Variants in RAB19 observed in about 807,000 individuals in gnomAD.
The protein encoded by RAB19 is RAB19, member RAS oncogene family.
In RAB19, 21 loss-of-function variants were observed where a neutral mutation model predicts 17.3. The ratio of observed to expected loss-of-function variants is 1.21; its 90% confidence interval spans 0.86 to 1.74. The LOEUF (loss-of-function observed/expected upper bound fraction) is 1.74, where lower values mean the gene tolerates loss of function less well. Ranked by LOEUF, RAB19 falls within the 40% of genes most tolerant of loss-of-function variation. The probability of loss-of-function intolerance (pLI) is 0.00; values close to 1 mark genes in which losing one functional copy is unlikely to be tolerated. For synonymous variants in RAB19, 126 were observed against 110.4 expected (o/e 1.14, Z -0.88); for missense variants, 277 against 286.8 (o/e 0.97, Z 0.25).
At chr7:140,414,194 G>A (rs543109807) in intron 3 of RAB19, among the ~76,000 whole-genome samples, 20 of 152,164 alleles carry the variant, frequency 1.3e-4, no homozygotes, top group African/African-American at 4.1e-4. Context: ...ACAGGCTCCC[G>A]CCACCACACT....
At chr7:140,423,326 G>A (rs1354768578) in intron 3 of RAB19, among the ~76,000 whole-genome samples, 1 of 151,686 alleles carries the variant, frequency 6.6e-6, no homozygotes, top group African/African-American at 2.4e-5. Flanking sequence ...TGGAGTCCCA[G>A]CTACTCAGGA....
chr7:140,419,703 A>G (rs979344257), intron 3 of RAB19, among the ~76,000 whole-genome samples: 1 of 152,154 alleles, frequency 6.6e-6, no homozygotes, highest in South Asian at 2.1e-4. Context: ...AGCTCTAGAT[A>G]ATCTCAAACC....
At chr7:140,407,923 C>G (rs371725720) in intron 2 of RAB19, 76 bp downstream of exon 2, 4 of 1,099,480 alleles carry the variant, frequency 3.6e-6, no homozygotes, top group Non-Finnish European at 3.8e-6. Flanking sequence ...GACGGAGTCT[C>G]GCGCGATCTC....
At chr7:140,419,410 A>T (rs935946131) in intron 3 of RAB19, among the ~76,000 whole-genome samples, 2 of 152,154 alleles carry the variant, frequency 1.3e-5, no homozygotes, top group East Asian at 3.8e-4. Flanking sequence ...AAACAAAATC[A>T]TACCTTTTTG....
intron 2 of RAB19, among the ~76,000 whole-genome samples, chr7:140,409,934 A>G (rs1411794061): frequency 6.8e-6 from 1 of 146,472 alleles, no homozygotes. Context: ...CGGAGCTTGC[A>G]CTGAGCCGAG....
intron 1 of RAB19, among the ~76,000 whole-genome samples, chr7:140,404,667 A>G (rs1799203552): frequency 6.6e-6 from 1 of 152,132 alleles, no homozygotes; most frequent in Non-Finnish European, 1.5e-5. Context: ...CCAAAGTAAA[A>G]CGGAGAGGTG....
intron 3 of RAB19, 98 bp from the exon 4 acceptor site, chr7:140,425,784 A>C (rs1230157753): frequency 1.6e-6 from 2 of 1,278,408 alleles, no homozygotes. Flanking sequence ...GAATGCATGC[A>C]TGCCTATTGA....
Position 140,427,532 on chromosome 7 carries a change from A to T in RAB19, c.*1382A>T, listed in dbSNP as rs1418718775. ...AATGGTGTGACCTCGGCTCACTGCA[A>T]CTTCTGCCTTCCAGATTCAAGTGAT... On this transcript the variant is annotated 3_prime_UTR_variant, in exon 4 of 4. Coordinates refer to ENST00000537763, the MANE Select transcript of RAB19 (RefSeq NM_001008749.3). 1.3e-5 allele frequency among the ~76,000 whole-genome samples: 2 copies of T among 148,796 alleles called. No individual in the cohort carries two copies. The highest frequency in any genetic ancestry group is 2.0e-4 in the East Asian group (1 of 4,974).
intron 1 of RAB19, chr7:140,404,437 T>C (rs55677504): frequency 0.13 from 19,426 of 152,236 alleles, 1,645 homozygotes; most frequent in South Asian, 0.33. Flanking sequence ...GTGGAATGGC[T>C]GTCTTTAGTT....
chr7:140,407,974 C>G (rs960928510), intron 2 of RAB19, 127 bp downstream of exon 2: 12 of 747,156 alleles, frequency 1.6e-5, no homozygotes, highest in Non-Finnish European at 1.9e-5. Context: ...ATGCCATTCT[C>G]CTGCCTCAGC....
chr7:140,421,895 G>A (rs1362032133), intron 3 of RAB19, among the ~76,000 whole-genome samples: 1 of 152,020 alleles, frequency 6.6e-6, no homozygotes, highest in Non-Finnish European at 1.5e-5. Flanking sequence ...ATTGCTTCCT[G>A]TGTCCTATTT....
intron 1 of RAB19, among the ~76,000 whole-genome samples, chr7:140,405,260 G>T (rs1360922545): frequency 1.3e-5 from 2 of 152,114 alleles, no homozygotes; most frequent in East Asian, 3.8e-4. Context: ...CGCTCTTGTT[G>T]CCCAGGCTGG....
In RAB19 at chr7:140,411,265, T is replaced by A. The variant is rs192663903; in HGVS notation, c.202-609T>A. ...ATACAAAAAAATTAGCTGGGCATGGTGGCGGGCGCCTGTAGTCCCAGCCAC... is the reference window on the plus strand; with the variant it reads ...ATACAAAAAAATTAGCTGGGCATGGAGGCGGGCGCCTGTAGTCCCAGCCAC... On this transcript the variant is annotated intron_variant, in intron 2 of 3. Transcript: ENST00000537763. Among the ~76,000 whole-genome samples the A allele has an allele frequency of 2.2e-3, 339 of 152,236 alleles. 2 individuals carry two copies. Among genetic ancestry groups the A allele is most frequent in the East Asian group, 4.1e-3 (21 of 5,166 alleles).
intron 2 of RAB19, among the ~76,000 whole-genome samples, chr7:140,411,288 C>T (rs2948388): frequency 0.54 from 81,973 of 151,862 alleles, 22,504 homozygotes; most frequent in African/African-American, 0.58. Flanking sequence ...TAGTCCCAGC[C>T]ACTCGGGAGG....
Position 140,410,319 on chromosome 7 carries a change from T to TTC in RAB19, c.202-1554_202-1553insCT, listed in dbSNP as rs1323439745. Among the ~76,000 whole-genome samples the TTC allele has an allele frequency of 6.7e-5, 8 of 119,010 alleles. 1 individual carries two copies. The highest frequency in any genetic ancestry group is 2.2e-4 in the African/African-American group (7 of 32,108). The allele number at this position is 119,010 out of a possible 152,430, so 78.1% of individuals were successfully genotyped here. A position where few individuals can be genotyped will look rare whatever the true frequency, so the allele number is the denominator to read the frequency against. On this transcript the variant is annotated intron_variant, in intron 2 of 3. Transcript: ENST00000537763. Reference sequence around the variant, plus strand: ...AGCTAATTTTTGTATTTTTCTTTTTTTTTTTTTTTTTTTTTTTTGAGACGG... The same window carrying TTC: ...AGCTAATTTTTGTATTTTTCTTTTTTTCTTTTTTTTTTTTTTTTTTGAGACGG...
In RAB19 at chr7:140,426,839, C is replaced by CTTTTT. The variant is rs398067341; in HGVS notation, c.*705_*709dup. On this transcript the variant is annotated 3_prime_UTR_variant, in exon 4 of 4. Transcript: ENST00000537763. Reference sequence around the variant, plus strand: ...AAGACACCTGCAATTTTTTTTCTTTCTTTTTTTTTTTTTTTTTTTTGAGAC... The same window carrying CTTTTT: ...AAGACACCTGCAATTTTTTTTCTTTCTTTTTTTTTTTTTTTTTTTTTTTTTGAGAC... Among the ~76,000 whole-genome samples the CTTTTT allele has an allele frequency of 3.4e-4, 42 of 123,978 alleles. No homozygotes were observed. The highest frequency in any genetic ancestry group is 6.8e-4 in the African/African-American group (21 of 30,826). The allele number at this position is 123,978 out of a possible 152,430, so 81.3% of individuals were successfully genotyped here.
Position 140,405,605 on chromosome 7 carries a change from T to C in RAB19, c.-24+1388T>C, listed in dbSNP as rs906993427. Among the ~76,000 whole-genome samples the C allele has an allele frequency of 4.6e-5, 7 of 152,096 alleles. 1 individual carries two copies. The highest frequency in any genetic ancestry group is 6.8e-3 in the Middle Eastern group (2 of 292). Reference sequence around the variant, plus strand: ...ATTGCCTAGACTACTTTCAACCTCCTGGCGTCAAGTGATCCTTCTGCCTCG... The same window carrying C: ...ATTGCCTAGACTACTTTCAACCTCCCGGCGTCAAGTGATCCTTCTGCCTCG... On this transcript the variant is annotated intron_variant, in intron 1 of 3. Coordinates refer to ENST00000537763, the MANE Select transcript of RAB19 (RefSeq NM_001008749.3).
intron 3 of RAB19, among the ~76,000 whole-genome samples, chr7:140,424,514 T>C (rs1231133892): frequency 6.6e-6 from 1 of 151,712 alleles, no homozygotes; most frequent in Non-Finnish European, 1.5e-5. Context: ...TTTCCTGGTA[T>C]TGATAATGTG....
chr7:140,411,624 C>A (rs1158074442), intron 2 of RAB19, among the ~76,000 whole-genome samples: 1 of 151,936 alleles, frequency 6.6e-6, no homozygotes, highest in East Asian at 1.9e-4. Flanking sequence ...TTGTCCTGGG[C>A]CAAATGTGTC....
Sources: allele counts gnomAD v4.1 joint callset (sites outside exome capture counted in the v4.1 genomes callset), GRCh38; gene constraint gnomAD v4.1.1; transcripts MANE v1.5; gene names NCBI Gene and HGNC (gene_info 2026-07-23, HGNC 2026-07-21).